The following DDX19B variants were observed in gnomAD, a reference collection of about 807,000 sequenced individuals.
The protein encoded by DDX19B is ATP-dependent RNA helicase DDX19B.
A neutral mutation model predicts 58.1 loss-of-function variants in DDX19B; 27 were observed. The observed-to-expected ratio is 0.46, with a 90% CI of 0.34 to 0.64. DDX19B has a LOEUF of 0.64. DDX19B is among the 30% of genes least tolerant of loss of function. The pLI is 0.01. For synonymous variants in DDX19B, 187 were observed against 214.4 expected (o/e 0.87, Z 1.12); for missense variants, 399 against 596.5 (o/e 0.67, Z 3.45).
At chr16:70,295,006 T>C (rs1486973782), upstream of DDX19B, 6 of 1,366,250 alleles carry the variant, frequency 4.4e-6, no homozygotes, top group South Asian at 1.7e-5. Flanking sequence ...GGAATAACAA[T>C]ATTTCTCGAG....
intron 6 of DDX19B, 43 bp downstream of exon 6, chr16:70,324,730 G>C (rs557297539): frequency 9.5e-5 from 148 of 1,561,888 alleles, no homozygotes; most frequent in Non-Finnish European, 1.2e-4. Context: ...TGCATAGATA[G>C]AAGGGGATTT....
chr16:70,301,884 A>T (rs749207868), intron 1 of DDX19B, among the ~76,000 whole-genome samples: 2 of 148,194 alleles, frequency 1.3e-5, no homozygotes, highest in African/African-American at 5.0e-5. Context: ...CAGAACTCTT[A>T]TTAGATGAAT....
chr16:70,291,318 C>CAT (rs1412668031), upstream of DDX19B, among the ~76,000 whole-genome samples: 1 of 152,226 alleles, frequency 6.6e-6, no homozygotes, highest in Non-Finnish European at 1.5e-5. Context: ...CCCTAAATAA[C>CAT]ATATATTTAG....
At chr16:70,326,045 C>T (rs1022171843) in intron 7 of DDX19B, among the ~76,000 whole-genome samples, 3 of 152,170 alleles carry the variant, frequency 2.0e-5, no homozygotes, top group Non-Finnish European at 4.4e-5. Context: ...GTTTTTCGAC[C>T]AAGATCAAGT....
At chr16:70,295,025 C>T, upstream of DDX19B, 3 of 1,358,216 alleles carry the variant, frequency 2.2e-6, no homozygotes, top group South Asian at 5.3e-5. Flanking sequence ...AGGCTTCGGC[C>T]CAAGGTCTTA....
upstream of DDX19B, among the ~76,000 whole-genome samples, chr16:70,293,253 C>CA (rs1271471520): frequency 6.6e-6 from 1 of 151,500 alleles, no homozygotes; most frequent in Admixed American, 6.6e-5. Context: ...TCAACCTCTA[C>CA]AAAAAAATAC....
chr16:70,307,851 G>T (rs1328174468), intron 1 of DDX19B, among the ~76,000 whole-genome samples: 1 of 151,552 alleles, frequency 6.6e-6, no homozygotes, highest in East Asian at 1.9e-4. Context: ...AGCCTCCCTG[G>T]TAGCTGGGAC....
chr16:70,318,796 CAAA>C (rs566281072), intron 5 of DDX19B, among the ~76,000 whole-genome samples: 3 of 80,328 alleles, frequency 3.7e-5, no homozygotes, highest in Admixed American at 1.4e-4. Flanking sequence ...AACTCCATCT[CAAA>C]AAAAAAAAAA....
chr16:70,314,776 G>A (rs772606299), intron 2 of DDX19B, 126 bp from the exon 3 acceptor site: 77 of 894,142 alleles, frequency 8.6e-5, no homozygotes, highest in Non-Finnish European at 1.2e-4. Context: ...TCAGCGGCTC[G>A]GTTTCCTCAT....
chr16:70,316,508 G>A (rs371879118), intron 4 of DDX19B, among the ~76,000 whole-genome samples: 1 of 152,050 alleles, frequency 6.6e-6, no homozygotes, highest in African/African-American at 2.4e-5. Flanking sequence ...GCACCCAGCT[G>A]CTAACCAAGT....
upstream of DDX19B, among the ~76,000 whole-genome samples, chr16:70,297,585 A>G (rs1049782701): frequency 2.6e-4 from 40 of 152,120 alleles, no homozygotes; most frequent in African/African-American, 9.7e-4. Context: ...TTTTTTTCAG[A>G]TTGTAGGAAA....
At chr16:70,292,265 C>T (rs1159339056), upstream of DDX19B, among the ~76,000 whole-genome samples, 2 of 151,838 alleles carry the variant, frequency 1.3e-5, no homozygotes, top group African/African-American at 2.4e-5. Flanking sequence ...CTCAGCCTCC[C>T]GAGTAGCTGA....
intron 1 of DDX19B, among the ~76,000 whole-genome samples, chr16:70,312,129 C>T (rs1216692747): frequency 3.3e-5 from 5 of 152,094 alleles, no homozygotes; most frequent in South Asian, 2.1e-4. Flanking sequence ...CGCGAGCCAC[C>T]GCACCTGGCT....
intron 5 of DDX19B, among the ~76,000 whole-genome samples, chr16:70,322,277 A>G (rs1962874637): frequency 6.6e-6 from 1 of 152,138 alleles, no homozygotes; most frequent in Non-Finnish European, 1.5e-5. Flanking sequence ...AGATGTTTAA[A>G]CAGAAATAGA....
chr16:70,321,225 G>C (rs567180381), intron 5 of DDX19B, among the ~76,000 whole-genome samples: 1 of 152,114 alleles, frequency 6.6e-6, no homozygotes, highest in Non-Finnish European at 1.5e-5. Context: ...GCCTCCCAAA[G>C]TGCTGGGATC....
intron 5 of DDX19B, 130 bp downstream of exon 5, chr16:70,317,718 G>A (rs893669471): frequency 1.7e-5 from 11 of 654,434 alleles, no homozygotes; most frequent in South Asian, 9.2e-5. Flanking sequence ...CAGGAGGATC[G>A]TTTCAGGCCA....
upstream of DDX19B, among the ~76,000 whole-genome samples, chr16:70,292,852 T>G (rs998054939): frequency 2.6e-5 from 4 of 151,970 alleles, no homozygotes; most frequent in African/African-American, 9.7e-5. Flanking sequence ...ATGCCTGTAA[T>G]CCCAACACTT....
chr16:70,321,438 T>C (rs1182205595), intron 5 of DDX19B, among the ~76,000 whole-genome samples: 2 of 152,154 alleles, frequency 1.3e-5, no homozygotes, highest in Non-Finnish European at 2.9e-5. Flanking sequence ...CATTTTTAGA[T>C]TGACAGTATT....
intron 6 of DDX19B, among the ~76,000 whole-genome samples, chr16:70,325,045 C>G (rs1483150600): frequency 1.3e-5 from 2 of 152,174 alleles, no homozygotes; most frequent in Non-Finnish European, 2.9e-5. Context: ...GAACGAAACT[C>G]TGTCTCAAAA....
Sources: gnomAD v4.1 joint callset for allele counts (sites outside exome capture counted in the v4.1 genomes callset) on GRCh38, gnomAD v4.1.1 for gene constraint, MANE v1.5 for transcripts, NCBI Gene and HGNC (gene_info 2026-07-23, HGNC 2026-07-21) for gene names.